The following NETO2 variants were observed in gnomAD, a reference collection of about 807,000 sequenced individuals.
NETO2 encodes the protein neuropilin and tolloid-like protein 2.
NETO2 carries 28 observed loss-of-function variants against 62.5 expected under a neutral mutation model. That is an observed-to-expected ratio of 0.45 (90% confidence interval 0.33 to 0.61). NETO2 has a LOEUF of 0.61. Among genes scored for constraint, NETO2 ranks in the 20% least tolerant of loss-of-function variants. The pLI is 0.02. For synonymous variants in NETO2, 214 were observed against 219.1 expected, an observed-to-expected ratio of 0.98 and a Z score of 0.21; for missense variants, 548 against 643.2, an observed-to-expected ratio of 0.85 and a Z score of 1.60.
At chr16:47,107,922 C>G (rs1459175146) in intron 7 of NETO2, among the ~76,000 whole-genome samples, 1 of 152,050 alleles carries the variant, frequency 6.6e-6, no homozygotes, top group Non-Finnish European at 1.5e-5. Flanking sequence ...ACTATAGGCA[C>G]CTGCCACCAT....
At chr16:47,116,703 T>C (rs1230958879) in intron 6 of NETO2, among the ~76,000 whole-genome samples, 1 of 152,190 alleles carries the variant, frequency 6.6e-6, no homozygotes, top group East Asian at 1.9e-4. Context: ...TATATCTTCC[T>C]TGAATGTTTG....
rs775070970 is a variant in NETO2 at position 47,122,859 on chromosome 16, A to G, written c.526+9T>C. The G allele has an allele frequency of 3.1e-6, 5 of 1,613,926 alleles. No individual in the cohort carries two copies. Among genetic ancestry groups the G allele is most frequent in the African/African-American group, 1.3e-5 (1 of 74,948 alleles). On this transcript the variant is annotated intron_variant, in intron 5 of 8. Transcript: ENST00000562435. ...AATGCCAAGAGGAACAAGTGGTAAT[A>G]TACTAAACCTGGAATGGGATTTAAA...
intron 8 of NETO2, among the ~76,000 whole-genome samples, chr16:47,085,906 C>A (rs1963179109): frequency 6.6e-6 from 1 of 151,834 alleles, no homozygotes; most frequent in Non-Finnish European, 1.5e-5. Flanking sequence ...GAGATCGAGA[C>A]CATCCTGGCT....
At position 47,083,409 on chromosome 16, in the gene NETO2, C is replaced by A; in HGVS notation, c.1390G>T (p.Asp464Tyr). 6.2e-7 allele frequency: 1 copy of A among 1,614,154 alleles called. No individual in the cohort carries two copies. Among genetic ancestry groups the A allele is most frequent in the South Asian group, 1.1e-5 (1 of 91,074 alleles). ...TTCATTGGCTGTGGTTGTGCAAAGTCATTTCGGAAAGGAAGTTCCATGGAA... is the reference window on the plus strand; with the variant it reads ...TTCATTGGCTGTGGTTGTGCAAAGTAATTTCGGAAAGGAAGTTCCATGGAA... ...LSSMELPFRN[D>Y]FAQPQPMKTF... is the part of the protein sequence containing the mutation. The change falls in exon 9 of 9, where the codon GAC (aspartate) becomes TAC (tyrosine). Residue 464 changes from aspartate to tyrosine, a missense_variant. Physicochemically the swap from Asp to Tyr is radical, Grantham distance 160. Coordinates refer to ENST00000562435, the MANE Select transcript of NETO2 (RefSeq NM_018092.5).
rs926116703 is a variant in NETO2 at position 47,083,779 on chromosome 16, A to G, written c.1020T>C (p.Phe340=). 5 of 1,589,780 alleles carry G rather than the reference A, an allele frequency of 3.1e-6. No individual in the cohort carries two copies. The African/African-American group carries it at 6.8e-5, about 21-fold the overall frequency. The change falls in exon 9 of 9, where the codon TTT becomes TTC. Residue 340 remains phenylalanine (F), a synonymous_variant. Transcript: ENST00000562435. ...TTCCATGAGTCTTAGTGATTTGTTC[A>G]AATACTCCTGCTTTTTTCTTTTCTG... is the stretch of plus-strand genomic sequence containing the variant. ...HCKEKKKAGV[F]EQITKTHGTI... is the part of the protein sequence containing the mutation.
chr16:47,088,274 T>A (rs555056299), intron 7 of NETO2, among the ~76,000 whole-genome samples: 1 of 152,094 alleles, frequency 6.6e-6, no homozygotes, highest in Non-Finnish European at 1.5e-5. Flanking sequence ...CCCAGCTAAT[T>A]TGTGTATTTT....
In NETO2 at chr16:47,139,320, C is replaced by A. The variant is rs540601524; in HGVS notation, c.34+4259G>T. 1.5e-4 allele frequency among the ~76,000 whole-genome samples: 23 copies of A among 152,262 alleles called. 1 individual carries two copies. The highest frequency in any genetic ancestry group is 4.8e-4 in the African/African-American group (20 of 41,546). ...ACATGTGACCTTGCTTTTTTAAATG[C>A]GAGCACAAATCAGGGGATGGGAAAA... On this transcript the variant is annotated intron_variant, in intron 1 of 8. Transcript: ENST00000562435.
intron 6 of NETO2, among the ~76,000 whole-genome samples, chr16:47,117,071 T>C (rs1394050341): frequency 6.6e-6 from 1 of 152,204 alleles, no homozygotes; most frequent in Non-Finnish European, 1.5e-5. Flanking sequence ...ATTTATCTTA[T>C]CTAAATAACT....
intron 1 of NETO2, among the ~76,000 whole-genome samples, chr16:47,138,092 C>T (rs1018512853): frequency 3.9e-5 from 6 of 152,168 alleles, no homozygotes; most frequent in Non-Finnish European, 5.9e-5. Context: ...AAAGGGCATT[C>T]TCTCTTTCTT....
chr16:47,125,268 T>C (rs1337684051), intron 4 of NETO2, among the ~76,000 whole-genome samples: 2 of 152,132 alleles, frequency 1.3e-5, no homozygotes, highest in African/African-American at 4.8e-5. Context: ...CTCAAACTCC[T>C]GTGGACTATT....
At chr16:47,137,595 T>A (rs995033730) in intron 1 of NETO2, among the ~76,000 whole-genome samples, 2 of 152,200 alleles carry the variant, frequency 1.3e-5, no homozygotes, top group African/African-American at 4.8e-5. Context: ...ACTTCTTGTT[T>A]CTGAACATCT....
chr16:47,114,774 T>C (rs1291731667), intron 6 of NETO2, among the ~76,000 whole-genome samples: 1 of 152,104 alleles, frequency 6.6e-6, no homozygotes, highest in Non-Finnish European at 1.5e-5. Flanking sequence ...ATGGATACTC[T>C]TTCGGTGTTG....
At chr16:47,121,943 T>C (rs903743198) in intron 6 of NETO2, among the ~76,000 whole-genome samples, 6 of 152,240 alleles carry the variant, frequency 3.9e-5, no homozygotes, top group Admixed American at 1.3e-4. Context: ...TTCTAGCAGA[T>C]GGGTTTTCAG....
intron 7 of NETO2, among the ~76,000 whole-genome samples, chr16:47,095,289 G>A (rs1963406357): frequency 6.6e-6 from 1 of 152,130 alleles, no homozygotes; most frequent in Non-Finnish European, 1.5e-5. Context: ...AGGCAGTAAT[G>A]GAGGAAATGA....
chr16:47,134,557 C>T (rs1964331445), intron 1 of NETO2, among the ~76,000 whole-genome samples: 1 of 152,158 alleles, frequency 6.6e-6, no homozygotes, highest in South Asian at 2.1e-4. Flanking sequence ...ACACTATCTC[C>T]CCAGGCATAT....
intron 7 of NETO2, among the ~76,000 whole-genome samples, chr16:47,088,523 C>T (rs1365223646): frequency 2.0e-5 from 3 of 152,126 alleles, no homozygotes; most frequent in Non-Finnish European, 4.4e-5. Flanking sequence ...GAGGGAGAAT[C>T]GAATATTGCT....
intron 7 of NETO2, among the ~76,000 whole-genome samples, chr16:47,097,243 C>T (rs1307801579): frequency 6.6e-6 from 1 of 152,222 alleles, no homozygotes; most frequent in Non-Finnish European, 1.5e-5. Flanking sequence ...ATCCCACCCC[C>T]ACGGGGCCCT....
rs750227274 is a variant in NETO2, at chr16:47,128,320, T to A, written c.481+5A>T. The A allele has an allele frequency of 1.9e-6, 3 of 1,611,546 alleles. No homozygotes were observed. The South Asian group carries it at 3.3e-5, about 18-fold the overall frequency. On this transcript the variant is annotated splice_donor_5th_base_variant and intron_variant, in intron 4 of 8. Coordinates refer to ENST00000562435, the MANE Select transcript of NETO2 (RefSeq NM_018092.5). ...CAACCACTTAAAAGATAACTTATTC[T>A]TTACCTGGAATAAATGAATATTTTG...
At chr16:47,137,585 ACTT>A in intron 1 of NETO2, among the ~76,000 whole-genome samples, 1 of 152,206 alleles carries the variant, frequency 6.6e-6, no homozygotes, top group Admixed American at 6.5e-5. Context: ...TCCAACAAAT[ACTT>A]CTTGTTTCTG....
Sources: allele counts gnomAD v4.1 joint callset (sites outside exome capture counted in the v4.1 genomes callset), GRCh38; gene constraint gnomAD v4.1.1; transcripts MANE v1.5; gene names NCBI Gene and HGNC (gene_info 2026-07-23, HGNC 2026-07-21).